PTPRO: variants seen among roughly 807,000 people sequenced by gnomAD.
PTPRO encodes the protein receptor-type tyrosine-protein phosphatase O.
PTPRO carries 62 observed loss-of-function variants against 145.2 expected under a neutral mutation model. The ratio of observed to expected loss-of-function variants is 0.43; its 90% CI spans 0.35 to 0.53. PTPRO has a LOEUF of 0.53. Among genes scored for constraint, PTPRO ranks in the 20% least tolerant of loss-of-function variants. The pLI is 0.01. For synonymous variants in PTPRO, 565 were observed against 514.7 expected (o/e 1.10, Z -1.32); for missense variants, 1,345 against 1,482.7 (o/e 0.91, Z 1.53).
At chr12:15,505,649 G>C (rs1942306360) in intron 6 of PTPRO, among the ~76,000 whole-genome samples, 1 of 152,048 alleles carries the variant, frequency 6.6e-6, no homozygotes, top group Non-Finnish European at 1.5e-5. Flanking sequence ...TACTTCTTTG[G>C]TTTAAAAAAT....
At chr12:15,328,328 G>A (rs971674170) in intron 1 of PTPRO, among the ~76,000 whole-genome samples, 6 of 152,094 alleles carry the variant, frequency 3.9e-5, no homozygotes, top group South Asian at 2.1e-4. Flanking sequence ...AAAAGCGTTC[G>A]CAAGTCTTTC....
chr12:15,349,047 A>G (rs887234499), intron 1 of PTPRO, among the ~76,000 whole-genome samples: 2 of 152,230 alleles, frequency 1.3e-5, no homozygotes, highest in East Asian at 1.9e-4. Flanking sequence ...TTTAAAGACC[A>G]TAGAATAGTC....
At chr12:15,400,675 C>A (rs1468345111) in intron 1 of PTPRO, among the ~76,000 whole-genome samples, 1 of 152,206 alleles carries the variant, frequency 6.6e-6, no homozygotes, top group Admixed American at 6.5e-5. Flanking sequence ...TTAGCTTATT[C>A]AGTTTCTTAT....
intron 1 of PTPRO, among the ~76,000 whole-genome samples, chr12:15,355,840 C>T (rs1378592235): frequency 6.6e-6 from 1 of 152,048 alleles, no homozygotes; most frequent in Non-Finnish European, 1.5e-5. Context: ...AGTATCTATT[C>T]GTTTGAGGAG....
intron 1 of PTPRO, among the ~76,000 whole-genome samples, chr12:15,382,213 C>T (rs1370731523): frequency 1.3e-5 from 2 of 151,194 alleles, no homozygotes; most frequent in Admixed American, 6.6e-5. Flanking sequence ...AAGCCTGACG[C>T]ATCTTGGTAC....
intron 10 of PTPRO, 95 bp from the exon 11 acceptor site, chr12:15,524,719 G>A (rs1942801895): frequency 7.4e-6 from 10 of 1,348,230 alleles, no homozygotes; most frequent in South Asian, 1.2e-5. Context: ...ATTCTAATTC[G>A]CTAAGTTGAC....
intron 1 of PTPRO, among the ~76,000 whole-genome samples, chr12:15,332,640 G>A (rs557923971): frequency 6.6e-6 from 1 of 152,216 alleles, no homozygotes; most frequent in South Asian, 2.1e-4. Context: ...TTTTTTCAAA[G>A]ACCATCTAGT....
intron 10 of PTPRO, among the ~76,000 whole-genome samples, chr12:15,523,574 A>G (rs1265232352): frequency 6.6e-6 from 1 of 152,096 alleles, no homozygotes; most frequent in Non-Finnish European, 1.5e-5. Context: ...CAGGAGTTCA[A>G]GACAAGTCTA....
At chr12:15,338,842 T>A (rs1866863849) in intron 1 of PTPRO, among the ~76,000 whole-genome samples, 1 of 152,146 alleles carries the variant, frequency 6.6e-6, no homozygotes, top group Non-Finnish European at 1.5e-5. Context: ...AATGTGAAGA[T>A]GAATACATGT....
chr12:15,527,469 G>C (rs1942864799), intron 12 of PTPRO, among the ~76,000 whole-genome samples: 1 of 152,204 alleles, frequency 6.6e-6, no homozygotes, highest in Non-Finnish European at 1.5e-5. Flanking sequence ...GAAACAAAGA[G>C]ATGAGATGGA....
intron 2 of PTPRO, among the ~76,000 whole-genome samples, chr12:15,485,585 A>G (rs896153363): frequency 5.3e-5 from 8 of 152,178 alleles, no homozygotes; most frequent in Non-Finnish European, 7.4e-5. Context: ...ACCCGGGGGG[A>G]AAAATTAAGG....
chr12:15,442,624 T>G (rs1940799804), intron 1 of PTPRO, among the ~76,000 whole-genome samples: 1 of 152,154 alleles, frequency 6.6e-6, no homozygotes, highest in Non-Finnish European at 1.5e-5. Flanking sequence ...CTCTTGGAAC[T>G]GATAAATGAC....
In PTPRO at chr12:15,560,246, A is replaced by G. The variant is rs766016129; in HGVS notation, c.2681A>G (p.Asp894Gly). 4 of 1,593,256 alleles carry G rather than the reference A, an allele frequency of 2.5e-6. No homozygotes were observed. The African/African-American group carries it at 5.4e-5, about 21-fold the overall frequency. The change falls in exon 17 of 27, where the codon GAT becomes GGT. Residue 894 changes from aspartate (D) to glycine (G), a missense_variant. Physicochemically the swap from Asp to Gly is moderately conservative, Grantham distance 94. Around this residue, in one of 3 missense-constraint regions of PTPRO, gnomAD observed 1,130 missense variants for 1,214.7 expected, o/e 0.93. Coordinates refer to ENST00000281171, the MANE Select transcript of PTPRO (RefSeq NM_030667.3). ...LTLLPSCLWTDYLLAFYINPW... is the reference protein window; with the variant it reads ...LTLLPSCLWTGYLLAFYINPW... ...CTGCTACCCTCATGTCTTTGGACTG[A>G]TTATCTTTTGGCATTTTATATTAAT...
At chr12:15,507,747 C>T (rs1379074035) in intron 6 of PTPRO, among the ~76,000 whole-genome samples, 1 of 152,202 alleles carries the variant, frequency 6.6e-6, no homozygotes, top group Non-Finnish European at 1.5e-5. Context: ...AGTCTGTCCT[C>T]CCCAGTAGAG....
intron 1 of PTPRO, among the ~76,000 whole-genome samples, chr12:15,402,323 G>C (rs1286351517): frequency 6.6e-6 from 1 of 151,948 alleles, no homozygotes; most frequent in African/African-American, 2.4e-5. Flanking sequence ...GGGAGGCAGA[G>C]ATTGCAGTGA....
Position 15,480,721 on chromosome 12 carries a change from AGATGGATGGATG to A in PTPRO, c.76-3220_76-3209del, listed in dbSNP as rs58620856. On this transcript the variant is annotated intron_variant, in intron 1 of 26. Coordinates refer to ENST00000281171, the MANE Select transcript of PTPRO (RefSeq NM_030667.3). ...CCCTCTGGCTATAAGCTGATGTAGA[AGATGGATGGATG>A]GATGGATGGATGGATGGATGGATGG... Among the ~76,000 whole-genome samples the A allele has an allele frequency of 4.9e-3, 745 of 150,974 alleles. 4 individuals carry two copies. Among genetic ancestry groups the A allele is most frequent in the Non-Finnish European group, 7.9e-3 (536 of 67,756 alleles).
intron 19 of PTPRO, among the ~76,000 whole-genome samples, chr12:15,573,482 T>C (rs1944106914): frequency 6.6e-6 from 1 of 152,192 alleles, no homozygotes; most frequent in Non-Finnish European, 1.5e-5. Flanking sequence ...GATTTTAAAG[T>C]CTTTAATATT....
At chr12:15,381,684 C>T (rs1001605691) in intron 1 of PTPRO, among the ~76,000 whole-genome samples, 2 of 152,112 alleles carry the variant, frequency 1.3e-5, no homozygotes, top group African/African-American at 2.4e-5. Context: ...TTCTCCCTTT[C>T]GCAGCTCCCA....
At chr12:15,436,918 G>T (rs1940611397) in intron 1 of PTPRO, among the ~76,000 whole-genome samples, 1 of 152,110 alleles carries the variant, frequency 6.6e-6, no homozygotes, top group African/African-American at 2.4e-5. Context: ...AGCAAGACTT[G>T]CAGCCAGGGC....
Sources: allele counts gnomAD v4.1 joint callset (sites outside exome capture counted in the v4.1 genomes callset), GRCh38; gene constraint gnomAD v4.1.1; regional missense constraint gnomAD v4.1.1; transcripts MANE v1.5; gene names NCBI Gene and HGNC (gene_info 2026-07-23, HGNC 2026-07-21).